Variants in ENPP2 observed in about 807,000 individuals in gnomAD.
ENPP2 encodes autotaxin.
Under a neutral mutation model 120.2 loss-of-function variants are expected in ENPP2, and 51 were observed. That is an observed-to-expected ratio of 0.42 (90% CI 0.34 to 0.54). ENPP2 has a LOEUF of 0.54. Among genes scored for constraint, ENPP2 ranks in the 20% least tolerant of loss-of-function variants. The probability of loss-of-function intolerance (pLI) is 0.04; values close to 1 mark genes in which losing one functional copy is unlikely to be tolerated. For synonymous variants in ENPP2, 365 were observed against 366.4 expected (o/e 1.00, Z 0.04); for missense variants, 920 against 1,066.5 (o/e 0.86, Z 1.91).
At position 119,669,363 on chromosome 8, in the gene ENPP2, C is replaced by G. The variant is rs1179953275; in HGVS notation, c.21+3889G>C. 2.0e-5 allele frequency among the ~76,000 whole-genome samples: 3 copies of G among 152,178 alleles called. No individual in the cohort carries two copies. The East Asian group carries it at 5.8e-4, about 29-fold the overall frequency. ...TATAACCATGTTTCAGGTGCATTCA[C>G]ATACTTTATTTTAGTTAAATCCTCC... On this transcript the variant is annotated intron_variant, in intron 1 of 25. Coordinates refer to the ENPP2 transcript ENST00000427067.
intron 4 of ENPP2, among the ~76,000 whole-genome samples, chr8:119,621,143 G>A (rs541388256): frequency 6.6e-6 from 1 of 152,268 alleles, no homozygotes; most frequent in African/African-American, 2.4e-5. Flanking sequence ...ACCAAGATAG[G>A]AAATTTAGAA....
At chr8:119,616,230 C>CA (rs1204819895) in intron 8 of ENPP2, 35 bp downstream of exon 8, 3 of 1,568,294 alleles carry the variant, frequency 1.9e-6, no homozygotes, top group Non-Finnish European at 2.6e-6. Context: ...CATGAACACA[C>CA]AAACACATAG....
chr8:119,568,160 A>G lies in ENPP2; in HGVS notation c.2131+15T>C. 1 of 1,364,532 alleles carries G rather than the reference A, an allele frequency of 7.3e-7. No individual in the cohort carries two copies. The highest frequency in any genetic ancestry group is 1.2e-5 in the South Asian group (1 of 84,314). 84.5% of individuals were successfully genotyped at this position (1,364,532 alleles called of 1,614,324 possible). On this transcript the variant is annotated intron_variant, in intron 22 of 24. Coordinates refer to ENST00000075322, the MANE Select transcript of ENPP2 (RefSeq NM_001040092.3). ...TTTCATAAATAACAGTGTATTAGGT[A>G]AATATTGGACTTACGTTTGAAAGCA...
intron 8 of ENPP2, among the ~76,000 whole-genome samples, chr8:119,612,147 G>A (rs1815155153): frequency 6.6e-6 from 1 of 152,134 alleles, no homozygotes; most frequent in Admixed American, 6.5e-5. Context: ...AGGCCTCCTC[G>A]GGACAGACAC....
intron 19 of ENPP2, among the ~76,000 whole-genome samples, chr8:119,579,535 C>T (rs532328052): frequency 4.6e-5 from 7 of 151,116 alleles, no homozygotes; most frequent in South Asian, 2.1e-4. Flanking sequence ...AAAATGGGAG[C>T]GAGAAACGCC....
At chr8:119,654,088 G>T (rs1237918342) in intron 1 of ENPP2, among the ~76,000 whole-genome samples, 3 of 142,418 alleles carry the variant, frequency 2.1e-5, no homozygotes, top group African/African-American at 7.7e-5. Context: ...TATATTATGT[G>T]TTATATATCT....
chr8:119,664,285 T>C (rs1818007436), intron 1 of ENPP2, among the ~76,000 whole-genome samples: 1 of 152,212 alleles, frequency 6.6e-6, no homozygotes, highest in African/African-American at 2.4e-5. Flanking sequence ...GTATTTCGCA[T>C]CAGGAGATCC....
intron 9 of ENPP2, among the ~76,000 whole-genome samples, chr8:119,606,934 C>T (rs1299698621): frequency 6.6e-5 from 10 of 151,064 alleles, no homozygotes; most frequent in Admixed American, 5.9e-4. Flanking sequence ...CCTTTTCTTA[C>T]TAAGGAACCT....
chr8:119,621,530 C>T lies in ENPP2; in HGVS notation c.293-11G>A. Reference sequence around the variant, plus strand: ...ACTCCCAGCCACGGGCTAAAATCATCCCAATAAAACATTTTCACTGCTGCA... The same window carrying T: ...ACTCCCAGCCACGGGCTAAAATCATTCCAATAAAACATTTTCACTGCTGCA... On this transcript the variant is annotated splice_polypyrimidine_tract_variant and intron_variant, in intron 3 of 24. Transcript: ENST00000075322. The T allele has an allele frequency of 6.2e-7, 1 of 1,612,072 alleles. No individual in the cohort carries two copies.
At chr8:119,570,865 G>C in intron 19 of ENPP2, 24 bp from the exon 20 acceptor site, 2 of 1,475,562 alleles carry the variant, frequency 1.4e-6, no homozygotes. Flanking sequence ...AAAATAAACT[G>C]TGTTAGGTGC....
chr8:119,668,360 C>T (rs1239931053), intron 1 of ENPP2, among the ~76,000 whole-genome samples: 2 of 151,874 alleles, frequency 1.3e-5, no homozygotes, highest in Non-Finnish European at 2.9e-5. Flanking sequence ...CTGAACAATA[C>T]AGAGTACGAT....
rs1563718147 is a variant in ENPP2 at position 119,600,745 on chromosome 8, G to A, written c.905C>T (p.Ser302Leu). Residue 302 changes from serine (S) to leucine (L), a missense_variant, in exon 11 of 25, where the codon TCG (serine) becomes TTG (leucine). Transcript: ENST00000075322. The part of the protein sequence containing the change: ...WLTLPDHERP[S>L]VYAFYSEQPD... ...TTGCTCAGAATAGAAGGCATAGACC[G>A]AAGGCCTATAAGAAAATTGGAAGGT... The A allele has an allele frequency of 6.2e-6, 10 of 1,602,696 alleles. No homozygotes were observed. Among genetic ancestry groups the A allele is most frequent in the Non-Finnish European group, 8.5e-6 (10 of 1,169,894 alleles).
chr8:119,593,044 T>TA (rs2130466521), intron 12 of ENPP2: 1 of 698,418 alleles, frequency 1.4e-6, no homozygotes, highest in South Asian at 6.4e-5. Flanking sequence ...ATACAGGAGA[T>TA]ACCCTTTAGA....
At chr8:119,599,531 C>T (rs72688226) in intron 11 of ENPP2, among the ~76,000 whole-genome samples, 8,090 of 152,236 alleles carry the variant, frequency 0.053, 300 homozygotes, top group Non-Finnish European at 0.08. Flanking sequence ...TACTAGGCTA[C>T]TTAAATATTT....
In ENPP2 at chr8:119,659,320, T is replaced by TAAAAAAAAA. The variant is rs750701293; in HGVS notation, c.21+13923_21+13931dup. On this transcript the variant is annotated intron_variant, in intron 1 of 25. Coordinates refer to the ENPP2 transcript ENST00000427067. ...CTACAGGACAAGACTCTGTCTCAAT[T>TAAAAAAAAA]AAAAAAAAAAAAAAAAACCAGAGTT... Among the ~76,000 whole-genome samples, 105 of 64,858 alleles carry TAAAAAAAAA rather than the reference T, an allele frequency of 1.6e-3. 8 individuals are homozygous for TAAAAAAAAA. Among genetic ancestry groups the TAAAAAAAAA allele is most frequent in the African/African-American group, 4.7e-3 (98 of 20,806 alleles). 42.5% of individuals were successfully genotyped at this position (64,858 alleles called of 152,430 possible). A position where few individuals can be genotyped will look rare whatever the true frequency, so the allele number is the denominator to read the frequency against.
chr8:119,588,049 A>G (rs981930989), intron 13 of ENPP2, among the ~76,000 whole-genome samples: 8 of 152,152 alleles, frequency 5.3e-5, no homozygotes, highest in Non-Finnish European at 8.8e-5. Context: ...GTATGAATAA[A>G]CTTGCCTTGG....
chr8:119,662,919 T>C (rs1277615290), intron 1 of ENPP2, among the ~76,000 whole-genome samples: 1 of 152,156 alleles, frequency 6.6e-6, no homozygotes, highest in Non-Finnish European at 1.5e-5. Flanking sequence ...GAGATCAGCC[T>C]GGCCAACATG....
chr8:119,569,277 T>C lies in ENPP2; in HGVS notation c.2011A>G (p.Lys671Glu). 1 of 1,614,116 alleles carries C rather than the reference T, an allele frequency of 6.2e-7. No homozygotes were observed. The highest frequency in any genetic ancestry group is 2.2e-5 in the East Asian group (1 of 44,866). The change falls in exon 21 of 25, where the codon AAA (lysine) becomes GAA (glutamate). Residue 671 changes from lysine to glutamate, a missense_variant. By Grantham distance (56) the Lys-to-Glu change is moderately conservative (BLOSUM62 1). Transcript: ENST00000075322. The stretch of plus-strand genomic sequence containing the variant: ...CCGTAGGACATCTGCTTATCATTTT[T>C]GTAGGCCAAACAGTTCTGACTGAAA... Reference protein sequence around the residue: ...PSFSQNCLAYKNDKQMSYGFL... With the variant: ...PSFSQNCLAYENDKQMSYGFL...
intron 1 of ENPP2, among the ~76,000 whole-genome samples, chr8:119,654,967 T>C (rs532301945): frequency 1.3e-5 from 2 of 152,318 alleles, no homozygotes; most frequent in South Asian, 2.1e-4. Context: ...GGTCTTACTT[T>C]TTCCTGGATA....
Sources: allele counts gnomAD v4.1 joint callset (sites outside exome capture counted in the v4.1 genomes callset), GRCh38; gene constraint gnomAD v4.1.1; transcripts MANE v1.5; gene names NCBI Gene and HGNC (gene_info 2026-07-23, HGNC 2026-07-21).